Variants in PPP2R2B observed in about 807,000 individuals in gnomAD.
The protein encoded by PPP2R2B is serine/threonine-protein phosphatase 2A 55 kDa regulatory subunit B beta isoform.
A neutral mutation model predicts 46.0 loss-of-function variants in PPP2R2B; 5 were observed. That is an observed-to-expected ratio of 0.11 (90% confidence interval 0.06 to 0.23). The LOEUF (loss-of-function observed/expected upper bound fraction) is 0.23, where lower values mean the gene tolerates loss of function less well. PPP2R2B is among the 10% of genes least tolerant of loss of function. The probability of loss-of-function intolerance (pLI) is 1.00; values close to 1 mark genes in which losing one functional copy is unlikely to be tolerated. For synonymous variants in PPP2R2B, 215 were observed against 206.7 expected (o/e 1.04, Z -0.34); for missense variants, 367 against 575.0 (o/e 0.64, Z 3.70).
chr5:147,078,618 T>G (rs1409075551), intron 2 of PPP2R2B, among the ~76,000 whole-genome samples: 2 of 151,772 alleles, frequency 1.3e-5, no homozygotes, highest in Non-Finnish European at 2.9e-5. Context: ...AAACCCCATC[T>G]CTACTAAAAA....
chr5:146,979,468 A>G (rs537111112), intron 1 of PPP2R2B, among the ~76,000 whole-genome samples: 25 of 152,072 alleles, frequency 1.6e-4, no homozygotes, highest in Non-Finnish European at 3.4e-4. Context: ...TGCCTACAGT[A>G]GTACCTGCCA....
chr5:147,014,187 T>C (rs1180891934), intron 1 of PPP2R2B, among the ~76,000 whole-genome samples: 2 of 131,946 alleles, frequency 1.5e-5, no homozygotes, highest in Non-Finnish European at 3.3e-5. Context: ...CACAATGAGA[T>C]ACCATCTCAC....
chr5:147,033,954 C>A (rs1755912950), intron 1 of PPP2R2B, among the ~76,000 whole-genome samples: 1 of 152,064 alleles, frequency 6.6e-6, no homozygotes, highest in Non-Finnish European at 1.5e-5. Context: ...AAATTAAGTC[C>A]TTGACCTACT....
At chr5:146,849,102 C>T (rs1760185957) in intron 2 of PPP2R2B, among the ~76,000 whole-genome samples, 1 of 151,944 alleles carries the variant, frequency 6.6e-6, no homozygotes, top group Non-Finnish European at 1.5e-5. Flanking sequence ...ACTTCCTTTG[C>T]TACTAGTAGC....
At chr5:146,755,714 T>C (rs1442944215) in intron 2 of PPP2R2B, among the ~76,000 whole-genome samples, 1 of 152,250 alleles carries the variant, frequency 6.6e-6, no homozygotes, top group Non-Finnish European at 1.5e-5. Flanking sequence ...GGTAAGGTTA[T>C]GGAAAAGGTA....
chr5:147,069,785 GTTTTTTTTTTTTT>G (rs540998224), intron 2 of PPP2R2B, among the ~76,000 whole-genome samples: 1 of 64,786 alleles, frequency 1.5e-5, no homozygotes, highest in Non-Finnish European at 2.5e-5. Context: ...ATTTTATACT[GTTTTTTTTTTTTT>G]TTTTTTTTTT....
At chr5:146,685,488 A>G (rs2151143551) in intron 5 of PPP2R2B, among the ~76,000 whole-genome samples, 1 of 152,362 alleles carries the variant, frequency 6.6e-6, no homozygotes, top group South Asian at 2.1e-4. Context: ...GAGACAAATC[A>G]AGTAAACTGT....
At chr5:146,656,089 G>A (rs1462624324) in intron 5 of PPP2R2B, among the ~76,000 whole-genome samples, 5 of 152,118 alleles carry the variant, frequency 3.3e-5, no homozygotes, top group African/African-American at 1.2e-4. Flanking sequence ...CATATTCTAG[G>A]GACCGGTGCC....
intron 1 of PPP2R2B, among the ~76,000 whole-genome samples, chr5:146,986,093 A>G (rs2151858479): frequency 6.6e-6 from 1 of 152,312 alleles, no homozygotes; most frequent in South Asian, 2.1e-4. Flanking sequence ...ACCTGATTTT[A>G]CCATAATAAC....
At chr5:146,620,163 C>T (rs1416960089) in intron 7 of PPP2R2B, among the ~76,000 whole-genome samples, 1 of 152,150 alleles carries the variant, frequency 6.6e-6, no homozygotes, top group Non-Finnish European at 1.5e-5. Flanking sequence ...GGGGTTAGAA[C>T]TTTCTTACGA....
intron 1 of PPP2R2B, among the ~76,000 whole-genome samples, chr5:146,951,946 A>G (rs1348343992): frequency 6.6e-6 from 1 of 151,072 alleles, no homozygotes; most frequent in Non-Finnish European, 1.5e-5. Flanking sequence ...AGTGTCTTCC[A>G]CAATGGTTGA....
intron 2 of PPP2R2B, among the ~76,000 whole-genome samples, chr5:146,756,828 G>A (rs2151245892): frequency 6.6e-6 from 1 of 152,290 alleles, no homozygotes; most frequent in Non-Finnish European, 1.5e-5. Flanking sequence ...GGCTGGATGG[G>A]TAACAAGGCA....
chr5:146,823,956 C>G (rs1217891343), intron 2 of PPP2R2B, among the ~76,000 whole-genome samples: 1 of 152,236 alleles, frequency 6.6e-6, no homozygotes, highest in Non-Finnish European at 1.5e-5. Context: ...GGGTAGCACT[C>G]CATTTCCCTC....
chr5:146,795,849 G>T (rs528314898), intron 2 of PPP2R2B, among the ~76,000 whole-genome samples: 83 of 152,190 alleles, frequency 5.5e-4, no homozygotes, highest in African/African-American at 1.9e-3. Context: ...CAGAAGATTC[G>T]ATGGAATAAC....
At chr5:146,694,359 G>A (rs1779052063) in intron 4 of PPP2R2B, among the ~76,000 whole-genome samples, 1 of 152,162 alleles carries the variant, frequency 6.6e-6, no homozygotes, top group Non-Finnish European at 1.5e-5. Context: ...ATAGTCACGT[G>A]ATTAGCTCTT....
At chr5:146,745,141 TA>T (rs765163907) in intron 2 of PPP2R2B, among the ~76,000 whole-genome samples, 2 of 144,098 alleles carry the variant, frequency 1.4e-5, no homozygotes, top group Non-Finnish European at 3.0e-5. Flanking sequence ...CCCCCAACTC[TA>T]AAACGTGCAG....
chr5:146,622,983 A>G (rs1029169718), intron 7 of PPP2R2B, among the ~76,000 whole-genome samples: 23 of 152,214 alleles, frequency 1.5e-4, no homozygotes, highest in African/African-American at 3.4e-4. Context: ...TGAGATACAT[A>G]TCACCTTTTA....
At chr5:146,954,742 G>A (rs1751800467) in intron 1 of PPP2R2B, among the ~76,000 whole-genome samples, 1 of 138,426 alleles carries the variant, frequency 7.2e-6, no homozygotes, top group African/African-American at 2.6e-5. Flanking sequence ...ATACATATAT[G>A]AATATGTGTA....
chr5:146,822,233 T>A (rs1758305841), intron 2 of PPP2R2B, among the ~76,000 whole-genome samples: 1 of 152,216 alleles, frequency 6.6e-6, no homozygotes, highest in Admixed American at 6.5e-5. Flanking sequence ...AGGATGAACA[T>A]TTGAAAGAGC....
Sources: allele counts gnomAD v4.1 joint callset (sites outside exome capture counted in the v4.1 genomes callset), GRCh38; gene constraint gnomAD v4.1.1; transcripts MANE v1.5; gene names NCBI Gene and HGNC (gene_info 2026-07-23, HGNC 2026-07-21).